Variants in EPM2A observed in about 807,000 individuals in gnomAD.
The protein encoded by EPM2A is EPM2A glucan phosphatase, laforin.
A neutral mutation model predicts 26.5 loss-of-function variants in EPM2A; 21 were observed. That is an observed-to-expected ratio of 0.79 (90% CI 0.56 to 1.14). The LOEUF is 1.14. Ranked by LOEUF, EPM2A falls within the 50% of genes most tolerant of loss-of-function variation. EPM2A has a pLI of 0.00. For synonymous variants in EPM2A, 217 were observed against 177.6 expected (o/e 1.22, Z -1.76); for missense variants, 458 against 440.8 (o/e 1.04, Z -0.35).
chr6:145,543,625 T>A (rs1780544627), intron 2 of EPM2A, among the ~76,000 whole-genome samples: 1 of 152,206 alleles, frequency 6.6e-6, no homozygotes, highest in African/African-American at 2.4e-5. Context: ...TATATTTAGT[T>A]TTTCATCAAA....
chr6:145,558,243 G>C (rs1780756507), intron 2 of EPM2A, among the ~76,000 whole-genome samples: 1 of 152,018 alleles, frequency 6.6e-6, no homozygotes, highest in Non-Finnish European at 1.5e-5. Context: ...AGAACAGTTT[G>C]GGGGCATGAT....
intron 2 of EPM2A, among the ~76,000 whole-genome samples, chr6:145,663,013 C>T (rs116950009): frequency 0.011 from 1,651 of 152,002 alleles, 13 homozygotes; most frequent in Admixed American, 0.017. Flanking sequence ...GTCTGAGCTT[C>T]GAGATTTTAC....
chr6:145,630,882 G>T (rs913514318), intron 3 of EPM2A: 2 of 152,190 alleles, frequency 1.3e-5, no homozygotes, highest in South Asian at 2.1e-4. Context: ...ATTGAGCACA[G>T]ACATTTGCCC....
At chr6:145,549,961 C>A (rs777147832) in intron 2 of EPM2A, among the ~76,000 whole-genome samples, 10 of 152,126 alleles carry the variant, frequency 6.6e-5, no homozygotes, top group Admixed American at 6.6e-4. Flanking sequence ...GTAGGAATGA[C>A]TCAAGGAGTC....
At chr6:145,409,077 A>T (rs941558792) in intron 4 of EPM2A, among the ~76,000 whole-genome samples, 1 of 152,236 alleles carries the variant, frequency 6.6e-6, no homozygotes, top group African/African-American at 2.4e-5. Flanking sequence ...TTTATATCAC[A>T]GTGCCATATC....
At chr6:145,508,915 A>G (rs1004334498) in intron 2 of EPM2A, among the ~76,000 whole-genome samples, 2 of 152,244 alleles carry the variant, frequency 1.3e-5, no homozygotes, top group African/African-American at 4.8e-5. Context: ...AACTTCTGGA[A>G]TTGGAAAATT....
intron 2 of EPM2A, chr6:145,670,896 T>C (rs1409528111): frequency 5.1e-6 from 5 of 985,120 alleles, no homozygotes; most frequent in Admixed American, 6.2e-5. Flanking sequence ...TAATACTCAA[T>C]AAAAATCATT....
At position 145,625,533 on chromosome 6, in the gene EPM2A, AC is replaced by A; in HGVS notation, c.*1882del. On this transcript the variant is annotated 3_prime_UTR_variant, in exon 4 of 4. Transcript: ENST00000367519. ...TCTTAGACATTAAAGAAATTCACAG[AC>A]CCACATAGTTTAAAAATTTAATTTT... 1 of 600,704 alleles carries A rather than the reference AC, an allele frequency of 1.7e-6. No individual in the cohort carries two copies. The highest frequency in any genetic ancestry group is 3.0e-6 in the Non-Finnish European group (1 of 335,458). The allele number at this position is 600,704 out of a possible 1,614,324, so 37.2% of individuals were successfully genotyped here.
chr6:145,615,473 G>A (rs1775486925), intron 2 of EPM2A, among the ~76,000 whole-genome samples: 1 of 151,962 alleles, frequency 6.6e-6, no homozygotes, highest in African/African-American at 2.4e-5. Flanking sequence ...GACTAATACA[G>A]TAAATTGGGG....
At chr6:145,730,135 T>C (rs9497401) in intron 1 of EPM2A, among the ~76,000 whole-genome samples, 95,863 of 152,048 alleles carry the variant, frequency 0.63, 30,710 homozygotes, top group East Asian at 0.74. Flanking sequence ...GTACAGCTTG[T>C]GAAACCATGA....
At chr6:145,395,542 T>C (rs1778393940) in intron 4 of EPM2A, among the ~76,000 whole-genome samples, 1 of 152,148 alleles carries the variant, frequency 6.6e-6, no homozygotes, top group Non-Finnish European at 1.5e-5. Flanking sequence ...CCCCTCTCAC[T>C]ATACATGTTC....
At chr6:145,455,117 A>G (rs1294251333) in intron 4 of EPM2A, among the ~76,000 whole-genome samples, 1 of 152,140 alleles carries the variant, frequency 6.6e-6, no homozygotes, top group Non-Finnish European at 1.5e-5. Context: ...GACTCTAAAT[A>G]TGTGGGCATA....
intron 2 of EPM2A, among the ~76,000 whole-genome samples, chr6:145,561,353 C>T (rs1252051920): frequency 6.6e-6 from 1 of 152,024 alleles, no homozygotes; most frequent in South Asian, 2.1e-4. Flanking sequence ...GACAAAATAG[C>T]CTAACAACAC....
rs114755746 is a variant in EPM2A at position 145,594,406 on chromosome 6, C to T, written c.340+40839G>A. 2.6e-3 allele frequency among the ~76,000 whole-genome samples: 389 copies of T among 151,874 alleles called. 6 individuals carry two copies. The highest frequency in any genetic ancestry group is 8.9e-3 in the African/African-American group (369 of 41,510). On this transcript the variant is annotated intron_variant, in intron 2 of 3. Transcript: ENST00000450221. ...AAGAAATGATACTAATTTCCCATAACGTCTTCCAGAAGATACAAGCAGGGA... is the reference window on the plus strand; with the variant it reads ...AAGAAATGATACTAATTTCCCATAATGTCTTCCAGAAGATACAAGCAGGGA...
chr6:145,524,486 G>C (rs531210541), intron 2 of EPM2A, among the ~76,000 whole-genome samples: 1 of 152,046 alleles, frequency 6.6e-6, no homozygotes, highest in Admixed American at 6.6e-5. Context: ...GTTTGAGATG[G>C]CATCTCATTA....
intron 2 of EPM2A, among the ~76,000 whole-genome samples, chr6:145,647,395 T>C (rs1582960905): frequency 6.6e-6 from 1 of 152,230 alleles, no homozygotes; most frequent in South Asian, 2.1e-4. Flanking sequence ...CAACCAAGCC[T>C]ACATGATCTT....
At position 145,436,352 on chromosome 6, in the gene EPM2A, T is replaced by C. The variant is rs551959210; in HGVS notation, c.556-52255A>G. On this transcript the variant is annotated intron_variant, in intron 4 of 4. Coordinates refer to the EPM2A transcript ENST00000638717. ...CGTATCTTTTCAATTCCCTTAGATATATATCTAGGAATGGAATTGCTGGGT... is the reference window on the plus strand; with the variant it reads ...CGTATCTTTTCAATTCCCTTAGATACATATCTAGGAATGGAATTGCTGGGT... Among the ~76,000 whole-genome samples, 6 of 152,308 alleles carry C rather than the reference T, an allele frequency of 3.9e-5. No homozygotes were observed. The East Asian group carries it at 1.2e-3, about 29-fold the overall frequency.
intron 4 of EPM2A, among the ~76,000 whole-genome samples, chr6:145,400,131 C>T (rs1346792474): frequency 1.3e-5 from 2 of 152,100 alleles, no homozygotes; most frequent in African/African-American, 4.8e-5. Context: ...CCACAGGGGT[C>T]CCACAGATGG....
chr6:145,691,349 G>A (rs1220762518), intron 1 of EPM2A, among the ~76,000 whole-genome samples: 1 of 152,044 alleles, frequency 6.6e-6, no homozygotes, highest in Non-Finnish European at 1.5e-5. Context: ...TTCAAGTGCT[G>A]TAAAAAAGAA....
Sources: gnomAD v4.1 joint callset for allele counts (sites outside exome capture counted in the v4.1 genomes callset) on GRCh38, gnomAD v4.1.1 for gene constraint, MANE v1.5 for transcripts, NCBI Gene and HGNC (gene_info 2026-07-23, HGNC 2026-07-21) for gene names.